The following PCDH11X variants were observed in gnomAD, a reference collection of about 807,000 sequenced individuals.
PCDH11X encodes protocadherin-11 X-linked.
Under a neutral mutation model 53.3 loss-of-function variants are expected in PCDH11X, and 18 were observed. The ratio of observed to expected loss-of-function variants is 0.34; its 90% CI spans 0.23 to 0.50. PCDH11X has a LOEUF of 0.50. PCDH11X is among the 20% of genes least tolerant of loss of function. PCDH11X has a pLI of 0.98. For synonymous variants in PCDH11X, 279 were observed against 393.3 expected (o/e 0.71, Z 3.44); for missense variants, 570 against 1,032.4 (o/e 0.55, Z 6.14).
chrX:92,012,476 C>A, intron 6 of PCDH11X, among the ~76,000 whole-genome samples: 1 of 111,406 alleles, frequency 9.0e-6, no homozygotes. Flanking sequence ...TGAATTTGTA[C>A]AAAATGTTTA....
intron 8 of PCDH11X, among the ~76,000 whole-genome samples, chrX:92,267,079 T>A: frequency 8.9e-6 from 1 of 112,093 alleles, no homozygotes; most frequent in Non-Finnish European, 1.9e-5. Context: ...ATTACAGTTT[T>A]TTGAATCTGG....
At position 92,618,971 on chromosome X, in the gene PCDH11X, A is replaced by C; in HGVS notation, c.*31A>C. ...AAATAGTTACTTCAAATTTTCAGAA[A>C]AGATGTATATAGTCAAAATTTAAGA... is the stretch of plus-strand genomic sequence containing the variant. On this transcript the variant is annotated 3_prime_UTR_variant, in exon 11 of 11. Coordinates refer to ENST00000682573, the MANE Select transcript of PCDH11X (RefSeq NM_032968.5). The C allele has an allele frequency of 8.4e-7, 1 of 1,189,220 alleles. No individual in the cohort carries two copies. Among genetic ancestry groups the C allele is most frequent in the Non-Finnish European group, 1.1e-6 (1 of 875,142 alleles).
At chrX:92,276,471 C>T (rs1364524039) in intron 8 of PCDH11X, among the ~76,000 whole-genome samples, 1 of 110,128 alleles carries the variant, frequency 9.1e-6, no homozygotes, top group African/African-American at 3.3e-5. Flanking sequence ...AGGAGGAATC[C>T]TGGGCTGCAG....
chrX:91,818,281 T>C (rs902359155), intron 4 of PCDH11X, among the ~76,000 whole-genome samples: 2 of 111,285 alleles, frequency 1.8e-5, no homozygotes, highest in African/African-American at 6.6e-5. Flanking sequence ...CGTAATCTCT[T>C]TTTCTAAACC....
intron 6 of PCDH11X, chrX:91,883,665 C>T (rs1180353136): frequency 2.8e-5 from 14 of 503,363 alleles, no homozygotes; most frequent in African/African-American, 2.4e-4. Flanking sequence ...ATTAGCCTGG[C>T]GTGGTGGCGG....
chrX:92,575,051 A>C (rs1229255971), intron 10 of PCDH11X, among the ~76,000 whole-genome samples: 2 of 111,051 alleles, frequency 1.8e-5, no homozygotes, highest in Admixed American at 9.6e-5. Flanking sequence ...AAAATATAAG[A>C]AAAACAAGTA....
intron 5 of PCDH11X, among the ~76,000 whole-genome samples, chrX:91,860,822 C>T (rs1938620156): frequency 8.9e-6 from 1 of 111,886 alleles, no homozygotes; most frequent in African/African-American, 3.3e-5. Flanking sequence ...CTGACTTGAT[C>T]GTGGTGGATA....
chrX:92,141,448 A>G (rs2065177167), intron 6 of PCDH11X, among the ~76,000 whole-genome samples: 1 of 112,091 alleles, frequency 8.9e-6, no homozygotes, highest in South Asian at 3.6e-4. Context: ...AAGATATCAC[A>G]TCTTAATTTA....
chrX:92,142,135 A>G (rs1462618791), intron 6 of PCDH11X, among the ~76,000 whole-genome samples: 2 of 109,297 alleles, frequency 1.8e-5, no homozygotes, highest in Non-Finnish European at 3.8e-5. Flanking sequence ...CTTCAGGTAA[A>G]CAAGTGCTAA....
intron 6 of PCDH11X, among the ~76,000 whole-genome samples, chrX:92,070,544 G>A (rs1259963243): frequency 9.0e-6 from 1 of 111,391 alleles, no homozygotes; most frequent in Non-Finnish European, 1.9e-5. Flanking sequence ...ATGTATTGGA[G>A]CTTCAATGTA....
chrX:92,461,783 G>A (rs1055040676), intron 9 of PCDH11X, among the ~76,000 whole-genome samples: 23 of 111,002 alleles, frequency 2.1e-4, no homozygotes, highest in Non-Finnish European at 4.4e-4. Context: ...ACCCACAGAA[G>A]GGGGGGAAAT....
At chrX:92,101,596 G>C (rs1462849717) in intron 6 of PCDH11X, among the ~76,000 whole-genome samples, 3 of 111,115 alleles carry the variant, frequency 2.7e-5, no homozygotes, top group Non-Finnish European at 5.6e-5. Context: ...TATTGAGGTG[G>C]GAAGGCTAAA....
In PCDH11X at chrX:91,877,370, A is replaced by G. The variant is rs1266874199; in HGVS notation, c.1130A>G (p.Asn377Ser). The G allele has an allele frequency of 1.7e-6, 2 of 1,199,857 alleles. No individual in the cohort carries two copies. Among genetic ancestry groups the G allele is most frequent in the Non-Finnish European group, 1.1e-6 (1 of 891,860 alleles). The change falls in exon 6 of 11, where the codon AAC (asparagine) becomes AGC (serine). Residue 377 changes from asparagine to serine, a missense_variant. Around this residue, in one of 6 missense-constraint regions of PCDH11X, gnomAD observed 226 missense variants for 457.5 expected, o/e 0.49. Coordinates refer to ENST00000682573, the MANE Select transcript of PCDH11X (RefSeq NM_032968.5). ...TVVLSENIPL[N>S]TKIALITVTD... ...GTTCTTTCAGAAAATATTCCACTCA[A>G]CACCAAAATTGCTCTCATAACTGTG... is the stretch of plus-strand genomic sequence containing the variant.
At chrX:92,456,181 G>A (rs1222737392) in intron 9 of PCDH11X, among the ~76,000 whole-genome samples, 1 of 111,515 alleles carries the variant, frequency 9.0e-6, no homozygotes, top group East Asian at 2.8e-4. Context: ...TTTCATCTGA[G>A]CACAATGTGC....
chrX:92,429,016 G>GT (rs894171768), intron 9 of PCDH11X, among the ~76,000 whole-genome samples: 15 of 111,063 alleles, frequency 1.4e-4, no homozygotes, highest in Non-Finnish European at 2.6e-4. Context: ...CTCAAAGCTG[G>GT]TTTTTTTGGA....
At chrX:92,337,641 G>C (rs1040980544) in intron 8 of PCDH11X, among the ~76,000 whole-genome samples, 12 of 110,306 alleles carry the variant, frequency 1.1e-4, no homozygotes, top group Admixed American at 4.9e-4. Context: ...GATATGTATT[G>C]ATATGAGGGC....
intron 6 of PCDH11X, among the ~76,000 whole-genome samples, chrX:91,986,462 G>A (rs1381158289): frequency 1.8e-5 from 2 of 108,569 alleles, no homozygotes; most frequent in African/African-American, 3.3e-5. Context: ...GCTGTAACAC[G>A]GTATCACAAA....
At chrX:92,063,016 G>T (rs773646646) in intron 6 of PCDH11X, among the ~76,000 whole-genome samples, 1 of 111,152 alleles carries the variant, frequency 9.0e-6, no homozygotes, top group African/African-American at 3.3e-5. Flanking sequence ...GCAGCCATAA[G>T]AAAGGATGAG....
intron 6 of PCDH11X, among the ~76,000 whole-genome samples, chrX:92,117,601 A>T (rs1244731386): frequency 8.9e-6 from 1 of 111,816 alleles, no homozygotes; most frequent in Non-Finnish European, 1.9e-5. Flanking sequence ...ATTTTTTATT[A>T]AAGTAAATAC....
Sources: allele counts gnomAD v4.1 joint callset (sites outside exome capture counted in the v4.1 genomes callset), GRCh38; gene constraint gnomAD v4.1.1; regional missense constraint gnomAD v4.1.1; transcripts MANE v1.5; gene names NCBI Gene and HGNC (gene_info 2026-07-23, HGNC 2026-07-21).